Variants in RNPEP observed in about 807,000 individuals in gnomAD.
RNPEP encodes the protein aminopeptidase B.
A neutral mutation model predicts 70.1 loss-of-function variants in RNPEP; 57 were observed. The observed-to-expected ratio is 0.81, with a 90% CI of 0.66 to 1.01. The LOEUF (loss-of-function observed/expected upper bound fraction) is 1.01. RNPEP is among the 50% of genes least tolerant of loss of function. The pLI, the probability that RNPEP is intolerant of heterozygous loss-of-function variation, is 0.00. For missense variants in RNPEP, 787 were observed against 852.4 expected, an observed-to-expected ratio of 0.92 and a Z score of 0.96; for synonymous variants, 335 against 357.4, an observed-to-expected ratio of 0.94 and a Z score of 0.71.
At chr1:201,983,447 T>G in intron 1 of RNPEP, 1 of 1,409,052 alleles carries the variant, frequency 7.1e-7, no homozygotes, top group Non-Finnish European at 9.5e-7. Context: ...TTCTAACATT[T>G]TCCGTGGCTT....
chr1:201,998,895 C>A (rs921226055), intron 5 of RNPEP, among the ~76,000 whole-genome samples: 2 of 152,120 alleles, frequency 1.3e-5, no homozygotes, highest in Admixed American at 1.3e-4. Context: ...TTGATAATTT[C>A]TTTTGTCTGA....
rs976124053 is a variant in RNPEP at position 202,005,988 on chromosome 1, C to A, written c.*272C>A. Reference sequence around the variant, plus strand: ...GCAGGGCAGCGGGTATTCTCCTCCCCACCTAAGTCTCTGGGAAGAAGTGGA... The same window carrying A: ...GCAGGGCAGCGGGTATTCTCCTCCCAACCTAAGTCTCTGGGAAGAAGTGGA... On this transcript the variant is annotated 3_prime_UTR_variant, in exon 11 of 11. Coordinates refer to ENST00000295640, the MANE Select transcript of RNPEP (RefSeq NM_020216.4). 2 of 423,208 alleles carry A rather than the reference C, an allele frequency of 4.7e-6. No homozygotes were observed. The highest frequency in any genetic ancestry group is 5.1e-5 in the South Asian group (1 of 19,758). The allele number at this position is 423,208 out of a possible 1,614,324, so 26.2% of individuals were successfully genotyped here. A position where few individuals can be genotyped will look rare whatever the true frequency, so the allele number is the denominator to read the frequency against.
rs748791318 is a variant in RNPEP at position 202,000,026 on chromosome 1, C to T, written c.1204+11C>T. On this transcript the variant is annotated intron_variant, in intron 6 of 10. Transcript: ENST00000295640. ...TGAAGATTGAACCAGGTCCAGGAGGCTCCTCTGTCTGACACCCACTCCCCT... is the reference window on the plus strand; with the variant it reads ...TGAAGATTGAACCAGGTCCAGGAGGTTCCTCTGTCTGACACCCACTCCCCT... 3 of 1,597,648 alleles carry T rather than the reference C, an allele frequency of 1.9e-6. No individual in the cohort carries two copies. The highest frequency in any genetic ancestry group is 1.7e-6 in the Non-Finnish European group (2 of 1,166,480).
rs772875931 is a variant in RNPEP at position 202,003,425 on chromosome 1, C to G, written c.1615C>G (p.Leu539Val). Reference sequence around the variant, plus strand: ...GAAGACCTACCAGCTGGTCTACTTCCTGGATAAGATCCTCCAGAAATCCCC... The same window carrying G: ...GAAGACCTACCAGCTGGTCTACTTCGTGGATAAGATCCTCCAGAAATCCCC... The part of the protein sequence containing the change: ...PWKTYQLVYF[L>V]DKILQKSPLP... Residue 539 changes from leucine to valine, a missense_variant, in exon 9 of 11, where the codon CTG (leucine) becomes GTG (valine). Physicochemically the swap from Leu to Val is conservative, Grantham distance 32. Transcript: ENST00000295640. The G allele has an allele frequency of 6.2e-7, 1 of 1,613,874 alleles. No homozygotes were observed. Among genetic ancestry groups the G allele is most frequent in the African/African-American group, 1.3e-5 (1 of 74,922 alleles).
At chr1:201,994,127 T>G (rs1008185841) in intron 3 of RNPEP, among the ~76,000 whole-genome samples, 1 of 152,162 alleles carries the variant, frequency 6.6e-6, no homozygotes, top group African/African-American at 2.4e-5. Flanking sequence ...GGCCTCCTGG[T>G]TAGTCCTTTT....
chr1:202,003,868 A>T (rs192241512), intron 9 of RNPEP, among the ~76,000 whole-genome samples: 139 of 152,324 alleles, frequency 9.1e-4, no homozygotes, highest in African/African-American at 3.0e-3. Flanking sequence ...AACTTGAGGT[A>T]CAAACAGTTC....
At chr1:201,998,419 T>C (rs1683652948) in intron 5 of RNPEP, among the ~76,000 whole-genome samples, 1 of 152,106 alleles carries the variant, frequency 6.6e-6, no homozygotes, top group Non-Finnish European at 1.5e-5. Context: ...CTAGTTTTTA[T>C]GTTTTTAGTA....
intron 5 of RNPEP, among the ~76,000 whole-genome samples, chr1:201,999,550 AAAT>A (rs1400146977): frequency 3.9e-5 from 6 of 152,196 alleles, no homozygotes; most frequent in East Asian, 1.9e-4. Flanking sequence ...TCAAAAAATA[AAAT>A]AATAAAATAA....
chr1:201,984,722 T>C (rs1683062656), intron 1 of RNPEP, among the ~76,000 whole-genome samples: 1 of 152,056 alleles, frequency 6.6e-6, no homozygotes, highest in Non-Finnish European at 1.5e-5. Flanking sequence ...GTGCTTGACA[T>C]AGGTTAAATG....
At chr1:201,995,030 G>C (rs1385648014) in intron 3 of RNPEP, among the ~76,000 whole-genome samples, 1 of 151,934 alleles carries the variant, frequency 6.6e-6, no homozygotes, top group Non-Finnish European at 1.5e-5. Context: ...GCAGCCAGGG[G>C]CTCTTGGTCA....
chr1:201,996,759 T>C (rs1683571067), intron 4 of RNPEP, among the ~76,000 whole-genome samples: 2 of 152,122 alleles, frequency 1.3e-5, no homozygotes, highest in African/African-American at 4.8e-5. Context: ...CCCAAAGTGC[T>C]GGGATTACAG....
chr1:201,996,770 G>A (rs539161588), intron 4 of RNPEP, among the ~76,000 whole-genome samples: 2 of 152,278 alleles, frequency 1.3e-5, no homozygotes, highest in Admixed American at 6.5e-5. Context: ...GGGATTACAG[G>A]TGTGAGCCAC....
At chr1:201,983,141 G>GCTGC (rs1486645971) in intron 1 of RNPEP, 28 bp downstream of exon 1, 3 of 1,435,910 alleles carry the variant, frequency 2.1e-6, no homozygotes, top group African/African-American at 1.5e-5. Context: ...TGCGCCCGCC[G>GCTGC]CTGCCTGCCT....
At chr1:201,989,646 C>A in intron 3 of RNPEP, 115 bp downstream of exon 3, 1 of 1,088,756 alleles carries the variant, frequency 9.2e-7, no homozygotes, top group Non-Finnish European at 1.3e-6. Context: ...CTGTCTGAGT[C>A]CAGAGCCTTT....
At chr1:201,986,246 GTTTTTTAT>G (rs59958440) in intron 1 of RNPEP, among the ~76,000 whole-genome samples, 83,097 of 151,062 alleles carry the variant, frequency 0.55, 23,160 homozygotes, top group Non-Finnish European at 0.6. Context: ...CCAGTTTTTT[GTTTTTTAT>G]TTTTTTATTT....
At position 202,001,705 on chromosome 1, in the gene RNPEP, T is replaced by G. The variant is rs35236271; in HGVS notation, c.1364T>G (p.Phe455Cys). The change falls in exon 8 of 11, where the codon TTT becomes TGT. Residue 455 changes from phenylalanine to cysteine, a missense_variant. By Grantham distance (205) the Phe-to-Cys change is radical. Coordinates refer to ENST00000295640, the MANE Select transcript of RNPEP (RefSeq NM_020216.4). ...FKFRSILADD[F>C]LDFYLEYFPE... ...TTCCGAAGCATCTTAGCCGATGACT[T>G]TCTGGACTTCTACTTGGAATATTTC... The G allele has an allele frequency of 1.9e-6, 3 of 1,613,886 alleles. No homozygotes were observed. The highest frequency in any genetic ancestry group is 2.5e-6 in the Non-Finnish European group (3 of 1,179,772).
intron 6 of RNPEP, 142 bp from the exon 7 acceptor site, chr1:202,001,234 G>C (rs1683791421): frequency 3.2e-6 from 2 of 633,410 alleles, no homozygotes; most frequent in African/African-American, 1.8e-5. Context: ...CCAGGATCTG[G>C]ACACCTTCTT....
chr1:201,988,413 G>A (rs1683205369), intron 1 of RNPEP, among the ~76,000 whole-genome samples: 1 of 136,022 alleles, frequency 7.4e-6, no homozygotes, highest in Non-Finnish European at 1.5e-5. Context: ...AGCCGAGATT[G>A]CACCACTGTA....
chr1:201,983,301 C>T, intron 1 of RNPEP, 188 bp downstream of exon 1: 1 of 1,415,872 alleles, frequency 7.1e-7, no homozygotes, highest in Non-Finnish European at 9.2e-7. Context: ...TCCTCCCGGG[C>T]TGCCTGGTTT....
Sources: allele counts gnomAD v4.1 joint callset (sites outside exome capture counted in the v4.1 genomes callset), GRCh38; gene constraint gnomAD v4.1.1; transcripts MANE v1.5; gene names NCBI Gene and HGNC (gene_info 2026-07-23, HGNC 2026-07-21).